SET: variants seen among roughly 807,000 people sequenced by gnomAD.
The protein encoded by SET is protein SET.
A neutral mutation model predicts 39.0 loss-of-function variants in SET; 4 were observed. The ratio of observed to expected loss-of-function variants is 0.10; its 90% CI spans 0.05 to 0.23. The LOEUF (loss-of-function observed/expected upper bound fraction) is 0.23. Among genes scored for constraint, SET ranks in the 10% least tolerant of loss-of-function variants. The pLI is 1.00. For synonymous variants in SET, 114 were observed against 115.9 expected, an observed-to-expected ratio of 0.98 and a Z score of 0.11; for missense variants, 137 against 329.7, an observed-to-expected ratio of 0.42 and a Z score of 4.53.
chr9:128,683,489 A>G (rs904232483), upstream of SET: 48 of 216,038 alleles, frequency 2.2e-4, no homozygotes, highest in African/African-American at 6.7e-4. Context: ...AGGCCAAAGG[A>G]AAAAAAAAAG....
intron 5 of SET, among the ~76,000 whole-genome samples, chr9:128,693,383 A>G (rs1861614672): frequency 6.6e-6 from 1 of 152,216 alleles, no homozygotes; most frequent in Non-Finnish European, 1.5e-5. Context: ...GTAGTAAGAC[A>G]TAGTTTAGAT....
upstream of SET, chr9:128,685,345 T>A: frequency 1.4e-6 from 1 of 734,970 alleles, no homozygotes; most frequent in Non-Finnish European, 2.3e-6. Context: ...TCATCAGTGC[T>A]CTAGAGTGCA....
chr9:128,689,334 G>A lies in SET; in HGVS notation c.-249G>A, dbSNP rs1861408833. Reference sequence around the variant, plus strand: ...CGAGCCGCCCGCCGCCGCCGCCTCCGCCTCCCCTCCGCGAACAGGAGCCCG... The same window carrying A: ...CGAGCCGCCCGCCGCCGCCGCCTCCACCTCCCCTCCGCGAACAGGAGCCCG... On this transcript the variant is annotated 5_prime_UTR_variant, in exon 1 of 8. Coordinates refer to ENST00000322030, the MANE Select transcript of SET (RefSeq NM_003011.4). 1 of 1,037,654 alleles carries A rather than the reference G, an allele frequency of 9.6e-7. No homozygotes were observed. The highest frequency in any genetic ancestry group is 6.8e-5 in the East Asian group (1 of 14,804). The allele number at this position is 1,037,654 out of a possible 1,614,324, so 64.3% of individuals were successfully genotyped here. A position where few individuals can be genotyped will look rare whatever the true frequency, so the allele number is the denominator to read the frequency against.
At chr9:128,684,708 A>G (rs1861230087), upstream of SET, among the ~76,000 whole-genome samples, 1 of 151,856 alleles carries the variant, frequency 6.6e-6, no homozygotes, top group Admixed American at 6.6e-5. Flanking sequence ...CTCGGGGCCT[A>G]GACACCCACT....
chr9:128,690,053 G>T lies in SET; in HGVS notation c.73+398G>T. Reference sequence around the variant, plus strand: ...TGCGGCCGGACGCGGCCCCGCGCCCGACCTCCCGCGCGGTTCCGCTTCGCG... The same window carrying T: ...TGCGGCCGGACGCGGCCCCGCGCCCTACCTCCCGCGCGGTTCCGCTTCGCG... On this transcript the variant is annotated intron_variant, in intron 1 of 7. Transcript: ENST00000322030. The T allele has an allele frequency of 3.1e-6, 3 of 959,106 alleles. No individual in the cohort carries two copies. In the South Asian group the frequency reaches 1.3e-4, roughly 42 times the overall value. The allele number at this position is 959,106 out of a possible 1,614,324, so 59.4% of individuals were successfully genotyped here.
At position 128,693,878 on chromosome 9, in the gene SET, TG is replaced by T; in HGVS notation, c.664-17del. 6.3e-7 allele frequency: 1 copy of T among 1,598,766 alleles called. No individual in the cohort carries two copies. The highest frequency in any genetic ancestry group is 1.1e-5 in the South Asian group (1 of 87,442). Reference sequence around the variant, plus strand: ...TGTTTAAAAATGAGTCCTTATATTGTGCTTTTTTTTTTTTAAGGTTCCCGAT... The same window carrying T: ...TGTTTAAAAATGAGTCCTTATATTGTCTTTTTTTTTTTTAAGGTTCCCGAT... On this transcript the variant is annotated splice_polypyrimidine_tract_variant and intron_variant, in intron 6 of 7. Transcript: ENST00000322030.
upstream of SET, among the ~76,000 whole-genome samples, chr9:128,685,576 TCAGAA>T (rs910101420): frequency 2.0e-5 from 3 of 152,152 alleles, no homozygotes; most frequent in Non-Finnish European, 2.9e-5. Flanking sequence ...ATTTTACAGA[TCAGAA>T]CAGGAGGCTC....
upstream of SET, among the ~76,000 whole-genome samples, chr9:128,684,482 C>T (rs1438519547): frequency 6.6e-6 from 1 of 152,158 alleles, no homozygotes; most frequent in Non-Finnish European, 1.5e-5. Flanking sequence ...TCCTCCTCCT[C>T]CCCTTCAGCC....
rs1554776708 is a variant in SET at position 128,692,648 on chromosome 9, A to G, written c.275-14A>G. The G allele has an allele frequency of 8.3e-6, 13 of 1,572,904 alleles. No homozygotes were observed. Among genetic ancestry groups the G allele is most frequent in the Non-Finnish European group, 1.1e-5 (13 of 1,144,742 alleles). On this transcript the variant is annotated splice_polypyrimidine_tract_variant and intron_variant, in intron 3 of 7. Coordinates refer to ENST00000322030, the MANE Select transcript of SET (RefSeq NM_003011.4). ...CTGTTGAAAATTCAGCTGACCTGTA[A>G]TTTTCTGGCCTAGTGTCTGCACTGC...
chr9:128,687,916 A>G (rs1056443615), upstream of SET, among the ~76,000 whole-genome samples: 37 of 152,104 alleles, frequency 2.4e-4, no homozygotes, highest in African/African-American at 7.5e-4. Context: ...GCGTATCACT[A>G]AAATCAACAA....
chr9:128,693,500 T>C (rs1338670491), intron 5 of SET, 138 bp from the exon 6 acceptor site: 3 of 917,492 alleles, frequency 3.3e-6, no homozygotes, highest in Non-Finnish European at 3.2e-6. Context: ...ATAATTGCTC[T>C]TAGGTAATAA....
At position 128,696,001 on chromosome 9, in the gene SET, CTGA is replaced by C. The variant is rs1861724827; in HGVS notation, c.*1340_*1342del. ...AGAAGATAGGCTCTCAGTAAGAAGT[CTGA>C]TGGTGAGCAGTAACTGTCCCTGCTT... On this transcript the variant is annotated 3_prime_UTR_variant, in exon 8 of 8. Coordinates refer to ENST00000322030, the MANE Select transcript of SET (RefSeq NM_003011.4). 8.8e-6 allele frequency: 2 copies of C among 226,320 alleles called. No homozygotes were observed. Among genetic ancestry groups the C allele is most frequent in the South Asian group, 3.6e-4 (2 of 5,486 alleles). 14.0% of individuals were successfully genotyped at this position (226,320 alleles called of 1,614,324 possible). A position where few individuals can be genotyped will look rare whatever the true frequency, so the allele number is the denominator to read the frequency against.
rs35778650 is a variant in SET at position 128,694,734 on chromosome 9, CTTTTTTT to C, written c.*88_*94del. ...CCAGTCCCTGGGAGCAAGTTGCAGT[CTTTTTTT>C]TTTTTTTTTTTTTTTTTCCCTCTTG... On this transcript the variant is annotated 3_prime_UTR_variant, in exon 8 of 8. Coordinates refer to ENST00000322030, the MANE Select transcript of SET (RefSeq NM_003011.4). 9.5e-4 allele frequency: 289 copies of C among 303,514 alleles called. No individual in the cohort carries two copies. Among genetic ancestry groups the C allele is most frequent in the Middle Eastern group, 2.6e-3 (3 of 1,170 alleles). The allele number at this position is 303,514 out of a possible 1,614,324, so 18.8% of individuals were successfully genotyped here.
upstream of SET, among the ~76,000 whole-genome samples, chr9:128,687,751 G>A (rs1217641717): frequency 6.6e-6 from 1 of 152,126 alleles, no homozygotes; most frequent in African/African-American, 2.4e-5. Flanking sequence ...TAGAGATAGG[G>A]TCTTGCTCTG....
At chr9:128,689,017 G>T (rs537723788), upstream of SET, among the ~76,000 whole-genome samples, 1 of 151,270 alleles carries the variant, frequency 6.6e-6, no homozygotes, top group Non-Finnish European at 1.5e-5. Context: ...GCCGGAGAGG[G>T]GAGAGCGGGG....
chr9:128,696,318 G>C lies in SET; in HGVS notation c.*1654G>C, dbSNP rs1861738897. ...TGGATAGTATGTAATTTCTGCACAGGTCTCTGTTTAGTAAATACATCACTG... is the reference window on the plus strand; with the variant it reads ...TGGATAGTATGTAATTTCTGCACAGCTCTCTGTTTAGTAAATACATCACTG... On this transcript the variant is annotated 3_prime_UTR_variant, in exon 8 of 8. Coordinates refer to ENST00000322030, the MANE Select transcript of SET (RefSeq NM_003011.4). 5.3e-6 allele frequency: 1 copy of C among 189,566 alleles called. No homozygotes were observed. 11.7% of individuals were successfully genotyped at this position (189,566 alleles called of 1,614,324 possible). A position where few individuals can be genotyped will look rare whatever the true frequency, so the allele number is the denominator to read the frequency against.
chr9:128,689,548 C>T lies in SET; in HGVS notation c.-35C>T, dbSNP rs1284253695. 9.2e-6 allele frequency: 11 copies of T among 1,198,494 alleles called. No individual in the cohort carries two copies. The highest frequency in any genetic ancestry group is 1.2e-5 in the Non-Finnish European group (11 of 903,732). The allele number at this position is 1,198,494 out of a possible 1,614,324, so 74.2% of individuals were successfully genotyped here. ...CCCCCTTCGCCTTCCCTTCTCTCCCCCTCCCCGCTCCCCCCCCGACCGCGG... is the reference window on the plus strand; with the variant it reads ...CCCCCTTCGCCTTCCCTTCTCTCCCTCTCCCCGCTCCCCCCCCGACCGCGG... On this transcript the variant is annotated 5_prime_UTR_variant, in exon 1 of 8. Transcript: ENST00000322030.
In SET at chr9:128,695,737, A is replaced by G. The variant is rs764221269; in HGVS notation, c.*1073A>G. The G allele has an allele frequency of 3.5e-5, 8 of 227,492 alleles. No homozygotes were observed. Among genetic ancestry groups the G allele is most frequent in the Non-Finnish European group, 6.2e-5 (7 of 113,792 alleles). The allele number at this position is 227,492 out of a possible 1,614,324, so 14.1% of individuals were successfully genotyped here. The stretch of plus-strand genomic sequence containing the variant: ...TCCATAGCTGGGAAACGTGGGTTCA[A>G]TTTGCCATTGGTTTCTGAAAGTATT... On this transcript the variant is annotated 3_prime_UTR_variant, in exon 8 of 8. Transcript: ENST00000322030.
chr9:128,691,273 T>G, intron 2 of SET, 46 bp downstream of exon 2: 6 of 1,173,244 alleles, frequency 5.1e-6, no homozygotes, highest in Non-Finnish European at 6.3e-6. Flanking sequence ...CTGAGATGTG[T>G]CTAATAGCCC....
Sources: allele counts gnomAD v4.1 joint callset (sites outside exome capture counted in the v4.1 genomes callset), GRCh38; gene constraint gnomAD v4.1.1; transcripts MANE v1.5; gene names NCBI Gene and HGNC (gene_info 2026-07-23, HGNC 2026-07-21).